Variants in RELN observed in about 807,000 individuals in gnomAD.
RELN encodes the protein reelin.
In RELN, 108 loss-of-function variants were observed where a neutral mutation model predicts 427.6. That is an observed-to-expected ratio of 0.25 (90% CI 0.22 to 0.30). The LOEUF (loss-of-function observed/expected upper bound fraction) is 0.30, where lower values mean the gene tolerates loss of function less well. Ranked by LOEUF, RELN falls within the 10% of genes least tolerant of loss-of-function variation. The pLI is 1.00. For missense variants in RELN, 3,715 were observed against 4,302.8 expected (o/e 0.86, Z 3.82); for synonymous variants, 1,524 against 1,513.4 (o/e 1.01, Z -0.16).
At chr7:103,625,914 C>A (rs1280226186) in intron 20 of RELN, among the ~76,000 whole-genome samples, 1 of 151,986 alleles carries the variant, frequency 6.6e-6, no homozygotes, top group East Asian at 1.9e-4. Context: ...CTATGCCCAA[C>A]TAATAGTTCA....
chr7:103,595,687 A>C (rs1831520271), intron 25 of RELN, among the ~76,000 whole-genome samples: 1 of 152,138 alleles, frequency 6.6e-6, no homozygotes, highest in African/African-American at 2.4e-5. Flanking sequence ...AATAGTAGTC[A>C]ACATACAAAA....
rs974000562 is a variant in RELN at position 103,563,942 on chromosome 7, A to G, written c.5210+1336T>C. Among the ~76,000 whole-genome samples the G allele has an allele frequency of 1.3e-5, 2 of 152,220 alleles. No individual in the cohort carries two copies. The highest frequency in any genetic ancestry group is 2.4e-5 in the African/African-American group (1 of 41,466). On this transcript the variant is annotated intron_variant, in intron 34 of 64. Transcript: ENST00000428762. The surrounding 1 kb of genome is among the most constrained non-coding windows in gnomAD (Gnocchi z 4.1). ...GCATAGGTGTGTAATAGGCTAAACC[A>G]TGAAGGTTTATGTAAGTTCACTCTA...
chr7:103,927,843 G>A (rs984380975), intron 1 of RELN, among the ~76,000 whole-genome samples: 3 of 152,130 alleles, frequency 2.0e-5, no homozygotes, highest in African/African-American at 7.2e-5. Context: ...TGAGGCCTAG[G>A]AGTTTAGGAA....
chr7:103,941,078 C>T (rs1796103994), intron 1 of RELN, among the ~76,000 whole-genome samples: 1 of 152,166 alleles, frequency 6.6e-6, no homozygotes, highest in South Asian at 2.1e-4. Flanking sequence ...GTCACCTCCC[C>T]TTCCCTTCCT....
At chr7:103,477,306 A>G (rs764949464) in intron 64 of RELN, among the ~76,000 whole-genome samples, 12 of 152,226 alleles carry the variant, frequency 7.9e-5, no homozygotes, top group Non-Finnish European at 1.6e-4. Flanking sequence ...AAACAATTCA[A>G]TTGATTTTTT....
At chr7:103,675,055 A>G (rs1584397357) in intron 11 of RELN, among the ~76,000 whole-genome samples, 1 of 152,178 alleles carries the variant, frequency 6.6e-6, no homozygotes, top group Admixed American at 6.5e-5. Context: ...GGCAGGAGAA[A>G]GAAATAAAGT....
intron 2 of RELN, among the ~76,000 whole-genome samples, chr7:103,906,904 A>C (rs375766593): frequency 1.8e-4 from 28 of 152,136 alleles, no homozygotes; most frequent in African/African-American, 5.8e-4. Flanking sequence ...GCCACGGATG[A>C]ATATCTAAGG....
intron 3 of RELN, among the ~76,000 whole-genome samples, chr7:103,805,948 A>G (rs1441488035): frequency 6.6e-6 from 1 of 152,150 alleles, no homozygotes; most frequent in East Asian, 1.9e-4. Context: ...TTTTTCACAC[A>G]AAAGAGAAAA....
intron 1 of RELN, among the ~76,000 whole-genome samples, chr7:103,938,916 A>G (rs1043724469): frequency 1.3e-5 from 2 of 152,186 alleles, no homozygotes; most frequent in East Asian, 1.9e-4. Context: ...ATGAGCTAAA[A>G]AAGTCATTCT....
intron 2 of RELN, among the ~76,000 whole-genome samples, chr7:103,903,650 G>A (rs979110146): frequency 2.6e-5 from 4 of 151,706 alleles, no homozygotes; most frequent in African/African-American, 9.7e-5. Flanking sequence ...ATTTCCTGAT[G>A]TTCTTTTTTT....
chr7:103,577,306 T>C (rs1256191693), intron 28 of RELN, among the ~76,000 whole-genome samples: 1 of 152,090 alleles, frequency 6.6e-6, no homozygotes, highest in Non-Finnish European at 1.5e-5. Flanking sequence ...TTGGCTTTTT[T>C]CCCCCCTTCA....
At chr7:103,844,195 A>C (rs1411921376) in intron 2 of RELN, among the ~76,000 whole-genome samples, 1 of 152,236 alleles carries the variant, frequency 6.6e-6, no homozygotes, top group African/African-American at 2.4e-5. Flanking sequence ...AAAGAGTCTC[A>C]ACAAAGCTTT....
intron 6 of RELN, among the ~76,000 whole-genome samples, chr7:103,737,252 A>G (rs1198803266): frequency 1.3e-5 from 2 of 152,176 alleles, no homozygotes; most frequent in Admixed American, 1.3e-4. Context: ...AGAAAATGAA[A>G]GGTTTATGCT....
intron 1 of RELN, among the ~76,000 whole-genome samples, chr7:103,928,148 T>C (rs536619804): frequency 6.6e-6 from 1 of 152,320 alleles, no homozygotes; most frequent in East Asian, 1.9e-4. Flanking sequence ...TACACAGAAA[T>C]GCTTAAGATA....
chr7:103,778,891 G>T (rs965566090), intron 3 of RELN, among the ~76,000 whole-genome samples: 1 of 152,104 alleles, frequency 6.6e-6, no homozygotes, highest in Non-Finnish European at 1.5e-5. Context: ...AAATTACGGG[G>T]CTCCACACTA....
chr7:103,705,620 G>T (rs1834181967), intron 8 of RELN, among the ~76,000 whole-genome samples: 1 of 152,180 alleles, frequency 6.6e-6, no homozygotes. Flanking sequence ...GAGTAAAATT[G>T]CCTCTGATAT....
intron 3 of RELN, among the ~76,000 whole-genome samples, chr7:103,793,992 C>T (rs188221275): frequency 3.2e-4 from 48 of 152,210 alleles, no homozygotes; most frequent in Middle Eastern, 6.8e-3. Context: ...GTCTTGAGCT[C>T]CTGGCCTCAA....
intron 2 of RELN, among the ~76,000 whole-genome samples, chr7:103,897,312 A>T (rs1794982961): frequency 6.6e-6 from 1 of 152,098 alleles, no homozygotes; most frequent in Non-Finnish European, 1.5e-5. Flanking sequence ...AATTTCTTTC[A>T]TCAAAGTTGA....
rs538021876 is a variant in RELN, at chr7:103,607,120, C to G, written c.3009-2637G>C. Among the ~76,000 whole-genome samples the G allele has an allele frequency of 1.7e-4, 25 of 148,554 alleles. No individual in the cohort carries two copies. The East Asian group carries it at 3.1e-3, about 18-fold the overall frequency. The stretch of plus-strand genomic sequence containing the variant: ...GGGGTGGGGGGTGGGGGGAGGGATA[C>G]CATTAGGAGATATACCTAATGTTAA... On this transcript the variant is annotated intron_variant, in intron 22 of 64. Transcript: ENST00000428762.
Sources: allele counts gnomAD v4.1 joint callset (sites outside exome capture counted in the v4.1 genomes callset), GRCh38; gene constraint gnomAD v4.1.1; non-coding constraint Gnocchi (gnomAD v3.1); transcripts MANE v1.5; gene names NCBI Gene and HGNC (gene_info 2026-07-23, HGNC 2026-07-21).